The following NECTIN1 variants were observed in gnomAD, a reference collection of about 807,000 sequenced individuals.
The protein encoded by NECTIN1 is nectin cell adhesion molecule 1, also known as nectin-1.
NECTIN1 carries 23 observed loss-of-function variants against 48.0 expected under a neutral mutation model. The observed-to-expected ratio is 0.48, with a 90% CI of 0.34 to 0.68. The LOEUF is 0.68. Ranked by LOEUF, NECTIN1 falls within the 30% of genes least tolerant of loss-of-function variation. NECTIN1 has a pLI of 0.01. For missense variants in NECTIN1, 591 were observed against 709.9 expected (o/e 0.83, Z 1.90); for synonymous variants, 270 against 288.9 (o/e 0.93, Z 0.66).
Position 119,668,357 on chromosome 11 carries a change from C to G in NECTIN1, c.1004-3060G>C, listed in dbSNP as rs538544042. On this transcript the variant is annotated intron_variant, in intron 5 of 5. Coordinates refer to ENST00000264025, the MANE Select transcript of NECTIN1 (RefSeq NM_002855.5). ...CCCGCAGTCACCAGGTTAATCTTCA[C>G]TCTGTAGACACAACCACTCGCTTTC... Among the ~76,000 whole-genome samples, 3 of 152,348 alleles carry G rather than the reference C, an allele frequency of 2.0e-5. No homozygotes were observed. In the South Asian group the frequency reaches 6.2e-4, roughly 32 times the overall value.
At chr11:119,638,475 G>A (rs1157860442) in intron 7 of NECTIN1, among the ~76,000 whole-genome samples, 1 of 152,136 alleles carries the variant, frequency 6.6e-6, no homozygotes, top group Admixed American at 6.5e-5. Context: ...GGTGCTCAAT[G>A]CATTTTTTAA....
At chr11:119,650,951 G>C (rs373926972) in intron 5 of NECTIN1, among the ~76,000 whole-genome samples, 1 of 152,100 alleles carries the variant, frequency 6.6e-6, no homozygotes, top group South Asian at 2.1e-4. Context: ...CTGTTGTTAG[G>C]CTCCTGGGAC....
intron 5 of NECTIN1, among the ~76,000 whole-genome samples, chr11:119,652,339 C>A (rs1039132042): frequency 2.0e-5 from 3 of 152,028 alleles, no homozygotes; most frequent in Non-Finnish European, 4.4e-5. Context: ...TTCTGGGAAT[C>A]CCCCAGAGCA....
In NECTIN1 at chr11:119,664,522, C is replaced by A. The variant is rs895496180; in HGVS notation, c.*225G>T. The A allele has an allele frequency of 6.4e-6, 9 of 1,414,018 alleles. No homozygotes were observed. The highest frequency in any genetic ancestry group is 8.3e-6 in the Non-Finnish European group (9 of 1,087,694). The allele number at this position is 1,414,018 out of a possible 1,614,324, so 87.6% of individuals were successfully genotyped here. Reference sequence around the variant, plus strand: ...GATACAGTAACACTAAAGCCACAGTCGAACACAACACCATGGGGAAGGGCG... The same window carrying A: ...GATACAGTAACACTAAAGCCACAGTAGAACACAACACCATGGGGAAGGGCG... On this transcript the variant is annotated 3_prime_UTR_variant, in exon 6 of 6. Transcript: ENST00000264025.
rs945113748 is a variant in NECTIN1 at position 119,661,497 on chromosome 11, G to A, written c.*3250C>T. On this transcript the variant is annotated 3_prime_UTR_variant, in exon 6 of 6. Transcript: ENST00000264025. ...GGGTTTCTGTTGGCAGTCAGGCTTT[G>A]GGGGTCTCTGTCTGGACTCCTGAGG... is the stretch of plus-strand genomic sequence containing the variant. The A allele has an allele frequency of 2.6e-5, 26 of 985,850 alleles. No individual in the cohort carries two copies. Among genetic ancestry groups the A allele is most frequent in the Non-Finnish European group, 3.1e-5 (26 of 830,060 alleles). 61.1% of individuals were successfully genotyped at this position (985,850 alleles called of 1,614,324 possible).
intron 1 of NECTIN1, among the ~76,000 whole-genome samples, chr11:119,698,022 T>C (rs901109021): frequency 1.3e-5 from 2 of 152,256 alleles, no homozygotes; most frequent in Admixed American, 1.3e-4. Flanking sequence ...GGTTTTGGCA[T>C]GGCAGAGCTC....
intron 1 of NECTIN1, among the ~76,000 whole-genome samples, chr11:119,715,338 G>T (rs1322109627): frequency 6.6e-6 from 1 of 152,136 alleles, no homozygotes; most frequent in African/African-American, 2.4e-5. Flanking sequence ...AGGAACAAGT[G>T]GGCTCAGGTT....
intron 1 of NECTIN1, among the ~76,000 whole-genome samples, chr11:119,693,889 C>T (rs529373156): frequency 1.2e-4 from 19 of 152,300 alleles, no homozygotes; most frequent in Non-Finnish European, 2.1e-4. Flanking sequence ...CTCTCTCCCC[C>T]GTGCATTTTC....
At chr11:119,712,155 G>A (rs1865660311) in intron 1 of NECTIN1, among the ~76,000 whole-genome samples, 1 of 152,218 alleles carries the variant, frequency 6.6e-6, no homozygotes, top group African/African-American at 2.4e-5. Context: ...GCTGAAATCA[G>A]AGAGAACAGA....
At chr11:119,652,689 G>A (rs1440859766) in intron 5 of NECTIN1, among the ~76,000 whole-genome samples, 1 of 152,214 alleles carries the variant, frequency 6.6e-6, no homozygotes, top group Non-Finnish European at 1.5e-5. Context: ...GGCACCAAGA[G>A]TGGGCGAGAA....
chr11:119,714,505 C>G (rs1865714259), intron 1 of NECTIN1, among the ~76,000 whole-genome samples: 1 of 152,136 alleles, frequency 6.6e-6, no homozygotes, highest in South Asian at 2.1e-4. Flanking sequence ...GCGGTGCAGG[C>G]AGGTGGGGAG....
At chr11:119,723,876 C>G (rs1411108021) in intron 1 of NECTIN1, among the ~76,000 whole-genome samples, 1 of 152,180 alleles carries the variant, frequency 6.6e-6, no homozygotes, top group African/African-American at 2.4e-5. Flanking sequence ...GCTCTGCAGA[C>G]CTGGTCTCTG....
chr11:119,667,079 T>C (rs1864784725), intron 5 of NECTIN1, among the ~76,000 whole-genome samples: 3 of 152,110 alleles, frequency 2.0e-5, no homozygotes, highest in Admixed American at 2.0e-4. Flanking sequence ...GCCCAGTACA[T>C]ATCCATGGGA....
chr11:119,667,172 C>T (rs1051510640), intron 5 of NECTIN1, among the ~76,000 whole-genome samples: 7 of 152,280 alleles, frequency 4.6e-5, no homozygotes, highest in East Asian at 3.9e-4. Context: ...ATCTGTTTAC[C>T]GCCCTCAAAA....
chr11:119,711,849 GC>G (rs1278700792), intron 1 of NECTIN1, among the ~76,000 whole-genome samples: 1 of 152,228 alleles, frequency 6.6e-6, no homozygotes, highest in East Asian at 1.9e-4. Context: ...CAACTGGGGT[GC>G]TCTTGTCCTC....
chr11:119,685,768 A>G (rs1591464894), intron 1 of NECTIN1, among the ~76,000 whole-genome samples: 1 of 152,156 alleles, frequency 6.6e-6, no homozygotes, highest in African/African-American at 2.4e-5. Context: ...ACTCTCCTGT[A>G]CCTGCCACCT....
intron 1 of NECTIN1, among the ~76,000 whole-genome samples, chr11:119,698,997 A>G (rs1405903981): frequency 6.6e-6 from 1 of 152,190 alleles, no homozygotes; most frequent in Non-Finnish European, 1.5e-5. Flanking sequence ...AAGCTCCACA[A>G]TGGGTGTCAG....
At chr11:119,688,799 C>T (rs1257702528) in intron 1 of NECTIN1, among the ~76,000 whole-genome samples, 2 of 151,896 alleles carry the variant, frequency 1.3e-5, no homozygotes, top group Non-Finnish European at 2.9e-5. Context: ...AGTCTGGGCT[C>T]TGTAGGAGGG....
chr11:119,697,163 C>T (rs1053026994), intron 1 of NECTIN1, among the ~76,000 whole-genome samples: 6 of 152,130 alleles, frequency 3.9e-5, no homozygotes, highest in African/African-American at 9.7e-5. Context: ...ACGCTTTGAA[C>T]CCCAGAAAGA....
Sources: allele counts gnomAD v4.1 joint callset (sites outside exome capture counted in the v4.1 genomes callset), GRCh38; gene constraint gnomAD v4.1.1; transcripts MANE v1.5; gene names NCBI Gene and HGNC (gene_info 2026-07-23, HGNC 2026-07-21).